KCNQ1: variants seen among roughly 807,000 people sequenced by gnomAD.
The protein encoded by KCNQ1 is potassium voltage-gated channel subfamily KQT member 1.
In KCNQ1, 49 loss-of-function variants were observed where a neutral mutation model predicts 72.4. The ratio of observed to expected loss-of-function variants is 0.68; its 90% CI spans 0.54 to 0.86. The LOEUF (loss-of-function observed/expected upper bound fraction) is 0.86, where lower values mean the gene tolerates loss of function less well. Ranked by LOEUF, KCNQ1 falls within the 40% of genes least tolerant of loss-of-function variation. The pLI, the probability that KCNQ1 is intolerant of heterozygous loss-of-function variation, is 0.00. For missense variants in KCNQ1, 790 were observed against 945.1 expected, an observed-to-expected ratio of 0.84 and a Z score of 2.15; for synonymous variants, 450 against 412.6, an observed-to-expected ratio of 1.09 and a Z score of -1.10.
chr11:2,641,110 A>G lies in KCNQ1; in HGVS notation c.1394-20851A>G, dbSNP rs755028109. 9.4e-4 allele frequency: 374 copies of G among 398,392 alleles called. 1 individual carries two copies. Among genetic ancestry groups the G allele is most frequent in the Middle Eastern group, 1.9e-3 (3 of 1,608 alleles). 24.7% of individuals were successfully genotyped at this position (398,392 alleles called of 1,614,324 possible). A position where few individuals can be genotyped will look rare whatever the true frequency, so the allele number is the denominator to read the frequency against. The stretch of plus-strand genomic sequence containing the variant: ...TGAGTCCATATCTTTGCTGTTGTGA[A>G]TAGTGCTGCAATAAACACGGGGATG... On this transcript the variant is annotated intron_variant, in intron 10 of 15. Transcript: ENST00000155840.
intron 11 of KCNQ1, among the ~76,000 whole-genome samples, chr11:2,736,856 C>T (rs1362147312): frequency 3.3e-5 from 5 of 152,202 alleles, no homozygotes; most frequent in African/African-American, 7.2e-5. Flanking sequence ...AAGATGCCCA[C>T]GGCTCAGGGA....
chr11:2,801,641 C>T (rs969554109), intron 15 of KCNQ1, among the ~76,000 whole-genome samples: 4 of 152,220 alleles, frequency 2.6e-5, no homozygotes, highest in Non-Finnish European at 5.9e-5. Flanking sequence ...TCTCCAAACA[C>T]AGTCACATTG....
chr11:2,726,010 C>T (rs1845755576), intron 11 of KCNQ1, among the ~76,000 whole-genome samples: 3 of 152,266 alleles, frequency 2.0e-5, no homozygotes, highest in Admixed American at 1.3e-4. Flanking sequence ...CCCCTGATTT[C>T]TTCATGAATT....
At chr11:2,532,697 G>C (rs1847661556) in intron 2 of KCNQ1, among the ~76,000 whole-genome samples, 1 of 152,132 alleles carries the variant, frequency 6.6e-6, no homozygotes, top group Admixed American at 6.5e-5. Flanking sequence ...GGGCAGGCAG[G>C]GACCCCTCCC....
Position 2,824,286 on chromosome 11 carries a change from C to T in KCNQ1, c.1795-23481C>T, listed in dbSNP as rs1156273197. Among the ~76,000 whole-genome samples, 1 of 152,040 alleles carries T rather than the reference C, an allele frequency of 6.6e-6. No homozygotes were observed. Among genetic ancestry groups the T allele is most frequent in the Admixed American group, 6.5e-5 (1 of 15,274 alleles). On this transcript the variant is annotated intron_variant, in intron 15 of 15. Coordinates refer to ENST00000155840, the MANE Select transcript of KCNQ1 (RefSeq NM_000218.3). This position sits in a 1 kb window ranked among gnomAD's most constrained non-coding sequence, Gnocchi z 5.9. ...CGCAGAGGCCCTGGGAGGAGGGAGG[C>T]TAGGCCCAGGGGTGGAAAGAAGACA...
intron 11 of KCNQ1, among the ~76,000 whole-genome samples, chr11:2,727,478 G>C (rs1845783996): frequency 6.6e-6 from 1 of 152,170 alleles, no homozygotes; most frequent in Non-Finnish European, 1.5e-5. Flanking sequence ...TCCTACCCCA[G>C]ACTCGAGGAA....
At position 2,592,466 on chromosome 11, in the gene KCNQ1, C is replaced by T. The variant is rs1848682919; in HGVS notation, c.1393+3612C>T. Among the ~76,000 whole-genome samples the T allele has an allele frequency of 6.6e-6, 1 of 152,172 alleles. No individual in the cohort carries two copies. Among genetic ancestry groups the T allele is most frequent in the Non-Finnish European group, 1.5e-5 (1 of 68,016 alleles). On this transcript the variant is annotated intron_variant, in intron 10 of 15. Coordinates refer to ENST00000155840, the MANE Select transcript of KCNQ1 (RefSeq NM_000218.3). This position sits in a 1 kb window ranked among gnomAD's most constrained non-coding sequence, Gnocchi z 5.2. ...GGGAGGCACCAGCCCTCATCCCACG[C>T]AGCAGGGCCCGCTGCTGCTCCCTCA...
rs948386493 is a variant in KCNQ1, at chr11:2,809,627, C to A, written c.1794+31590C>A. Among the ~76,000 whole-genome samples the A allele has an allele frequency of 2.0e-5, 3 of 152,168 alleles. No individual in the cohort carries two copies. The highest frequency in any genetic ancestry group is 6.5e-5 in the Admixed American group (1 of 15,282). ...CATCTCCTGACTGGTTGGGTTTCTG[C>A]CTCGGTCGCTGACTCCAGAGGGCCC... is the stretch of plus-strand genomic sequence containing the variant. On this transcript the variant is annotated intron_variant, in intron 15 of 15. Coordinates refer to ENST00000155840, the MANE Select transcript of KCNQ1 (RefSeq NM_000218.3). This position sits in a 1 kb window ranked among gnomAD's most constrained non-coding sequence, Gnocchi z 7.1.
At chr11:2,460,509 T>C (rs115883028) in intron 1 of KCNQ1, among the ~76,000 whole-genome samples, 1,793 of 111,208 alleles carry the variant, frequency 0.016, 22 homozygotes, top group South Asian at 0.043. Flanking sequence ...CCCTCCCTCC[T>C]TCCCTTTTTT....
In KCNQ1 at chr11:2,621,947, G is replaced by A. The variant is rs1849179302; in HGVS notation, c.1393+33093G>A. The A allele has an allele frequency of 2.5e-6, 1 of 397,974 alleles. No homozygotes were observed. Among genetic ancestry groups the A allele is most frequent in the South Asian group, 1.3e-4 (1 of 7,846 alleles). 24.7% of individuals were successfully genotyped at this position (397,974 alleles called of 1,614,324 possible). A position where few individuals can be genotyped will look rare whatever the true frequency, so the allele number is the denominator to read the frequency against. On this transcript the variant is annotated intron_variant, in intron 10 of 15. Coordinates refer to ENST00000155840, the MANE Select transcript of KCNQ1 (RefSeq NM_000218.3). This position sits in a 1 kb window ranked among gnomAD's most constrained non-coding sequence, Gnocchi z 5.7. ...TTTGTTCTTCTTTTTCTAATTCCTT[G>A]AGGTACAATTTTGGGCTATTTGAAA... is the stretch of plus-strand genomic sequence containing the variant.
chr11:2,723,063 T>G lies in KCNQ1; in HGVS notation c.1515-45781T>G, dbSNP rs186646422. On this transcript the variant is annotated intron_variant, in intron 11 of 15. Transcript: ENST00000155840. This position sits in a 1 kb window ranked among gnomAD's most constrained non-coding sequence, Gnocchi z 4.2. ...CCTGGCCTCCATTCCCGTGCCAGGG[T>G]GGTCTGAGCGGAGAGGACAGGGGGG... 3.4e-4 allele frequency among the ~76,000 whole-genome samples: 52 copies of G among 152,258 alleles called. 1 individual carries two copies. The highest frequency in any genetic ancestry group is 9.2e-4 in the Admixed American group (14 of 15,298).
intron 2 of KCNQ1, among the ~76,000 whole-genome samples, chr11:2,569,794 G>A (rs549650855): frequency 1.3e-5 from 2 of 152,240 alleles, no homozygotes; most frequent in African/African-American, 2.4e-5. Context: ...AGCCCACTGA[G>A]CCTGGCCCTG....
At chr11:2,554,039 C>G (rs954357155) in intron 2 of KCNQ1, among the ~76,000 whole-genome samples, 1 of 152,130 alleles carries the variant, frequency 6.6e-6, no homozygotes, top group Non-Finnish European at 1.5e-5. Context: ...TTTAAAACAC[C>G]TTTTTGGATG....
In KCNQ1 at chr11:2,611,566, T is replaced by C; in HGVS notation, c.1393+22712T>C. Reference sequence around the variant, plus strand: ...TAGCTTTCTTATTACTGTTTGCATGTCATCTTTTTCCATCATTTTACTTTC... The same window carrying C: ...TAGCTTTCTTATTACTGTTTGCATGCCATCTTTTTCCATCATTTTACTTTC... On this transcript the variant is annotated intron_variant, in intron 10 of 15. Coordinates refer to ENST00000155840, the MANE Select transcript of KCNQ1 (RefSeq NM_000218.3). The surrounding 1 kb of genome is among the most constrained non-coding windows in gnomAD (Gnocchi z 5.3). 1 of 398,602 alleles carries C rather than the reference T, an allele frequency of 2.5e-6. No individual in the cohort carries two copies. Among genetic ancestry groups the C allele is most frequent in the Non-Finnish European group, 4.4e-6 (1 of 226,068 alleles). 24.7% of individuals were successfully genotyped at this position (398,602 alleles called of 1,614,324 possible).
At chr11:2,761,383 G>A (rs1323543459) in intron 11 of KCNQ1, among the ~76,000 whole-genome samples, 1 of 152,140 alleles carries the variant, frequency 6.6e-6, no homozygotes, top group African/African-American at 2.4e-5. Flanking sequence ...TTGATGTCCA[G>A]CCGCTTGTGT....
rs189703442 is a variant in KCNQ1 at position 2,563,588 on chromosome 11, A to C, written c.478-7040A>C. Among the ~76,000 whole-genome samples, 2 of 152,322 alleles carry C rather than the reference A, an allele frequency of 1.3e-5. No individual in the cohort carries two copies. Among genetic ancestry groups the C allele is most frequent in the East Asian group, 3.9e-4 (2 of 5,178 alleles). ...TGAGGGTCCCAGGGTCTGTCTGCCT[A>C]ATGACAAGATTTCAGTACCAATAGC... On this transcript the variant is annotated intron_variant, in intron 2 of 15. Coordinates refer to ENST00000155840, the MANE Select transcript of KCNQ1 (RefSeq NM_000218.3). This position sits in a 1 kb window ranked among gnomAD's most constrained non-coding sequence, Gnocchi z 7.4.
rs867814596 is a variant in KCNQ1 at position 2,712,386 on chromosome 11, C to A, written c.1514+50305C>A. ...GGCTGGGGTGCAAATGGGGCAGGAA[C>A]AGGAGTCCGGCCTGGGGGATGTTAG... On this transcript the variant is annotated intron_variant, in intron 11 of 15. Coordinates refer to ENST00000155840, the MANE Select transcript of KCNQ1 (RefSeq NM_000218.3). The surrounding 1 kb of genome is among the most constrained non-coding windows in gnomAD (Gnocchi z 6.4). Among the ~76,000 whole-genome samples, 1 of 152,102 alleles carries A rather than the reference C, an allele frequency of 6.6e-6. No homozygotes were observed. Among genetic ancestry groups the A allele is most frequent in the Admixed American group, 6.6e-5 (1 of 15,254 alleles).
At chr11:2,640,890 C>A in intron 10 of KCNQ1, 1 of 399,610 alleles carries the variant, frequency 2.5e-6, no homozygotes, top group Non-Finnish European at 4.4e-6. Flanking sequence ...ATGAGATCAA[C>A]TTTTATAGCT....
rs1462768914 is a variant in KCNQ1, at chr11:2,679,523, T to C, written c.1514+17442T>C. The C allele has an allele frequency of 2.5e-6, 1 of 398,510 alleles. No homozygotes were observed. Among genetic ancestry groups the C allele is most frequent in the East Asian group, 3.6e-5 (1 of 28,090 alleles). The allele number at this position is 398,510 out of a possible 1,614,324, so 24.7% of individuals were successfully genotyped here. A position where few individuals can be genotyped will look rare whatever the true frequency, so the allele number is the denominator to read the frequency against. ...ACAGTGTTACTTAAATGTATTGCTA[T>C]ACCTCATGATGGCCATTCCATCCAT... On this transcript the variant is annotated intron_variant, in intron 11 of 15. Transcript: ENST00000155840. The surrounding 1 kb of genome is among the most constrained non-coding windows in gnomAD (Gnocchi z 4.8).
Sources: allele counts gnomAD v4.1 joint callset (sites outside exome capture counted in the v4.1 genomes callset), GRCh38; gene constraint gnomAD v4.1.1; non-coding constraint Gnocchi (gnomAD v3.1); transcripts MANE v1.5; gene names NCBI Gene and HGNC (gene_info 2026-07-23, HGNC 2026-07-21).